The following FRMD4A variants were observed in gnomAD, a reference collection of about 807,000 sequenced individuals.
The protein encoded by FRMD4A is FERM domain containing 4A.
Under a neutral mutation model 129.1 loss-of-function variants are expected in FRMD4A, and 29 were observed. The observed-to-expected ratio is 0.22, with a 90% CI of 0.17 to 0.31. FRMD4A has a LOEUF of 0.31. FRMD4A is among the 10% of genes least tolerant of loss of function. The pLI is 1.00. For missense variants in FRMD4A, 1,272 were observed against 1,375.8 expected, an observed-to-expected ratio of 0.92 and a Z score of 1.19; for synonymous variants, 634 against 571.6, an observed-to-expected ratio of 1.11 and a Z score of -1.56.
intron 2 of FRMD4A, among the ~76,000 whole-genome samples, chr10:14,089,635 AAAAACAAAC>A (rs1217027505): frequency 1.2e-4 from 17 of 142,344 alleles, no homozygotes; most frequent in African/African-American, 1.9e-4. Flanking sequence ...AAAAACAAAA[AAAAACAAAC>A]AAAAAAAAAA....
chr10:14,206,809 C>CAAAAAAAAAATA (rs773842434), intron 2 of FRMD4A, among the ~76,000 whole-genome samples: 4 of 43,064 alleles, frequency 9.3e-5, no homozygotes, highest in Non-Finnish European at 1.5e-4. Context: ...GACGCTATCT[C>CAAAAAAAAAATA]AAAAAAAAAA....
intron 2 of FRMD4A, among the ~76,000 whole-genome samples, chr10:14,218,624 T>A (rs925235974): frequency 6.6e-6 from 1 of 151,836 alleles, no homozygotes; most frequent in Non-Finnish European, 1.5e-5. Flanking sequence ...GAGGCCCAGG[T>A]GCGGGGATTG....
chr10:14,088,848 T>TAG (rs1836462867), intron 2 of FRMD4A, among the ~76,000 whole-genome samples: 2 of 151,588 alleles, frequency 1.3e-5, no homozygotes, highest in African/African-American at 2.4e-5. Flanking sequence ...TCACACTGTT[T>TAG]TCCCCAGGAG....
chr10:14,182,073 A>G (rs1841932094), intron 2 of FRMD4A, among the ~76,000 whole-genome samples: 1 of 152,160 alleles, frequency 6.6e-6, no homozygotes, highest in East Asian at 1.9e-4. Context: ...AGCTTTGTTT[A>G]TTTGTGGCTT....
intron 2 of FRMD4A, among the ~76,000 whole-genome samples, chr10:14,177,862 A>G (rs76786005): frequency 0.012 from 1,776 of 152,312 alleles, 33 homozygotes; most frequent in African/African-American, 0.04. Context: ...GTTGTTCACC[A>G]TATTTTTATA....
intron 2 of FRMD4A, among the ~76,000 whole-genome samples, chr10:14,130,314 G>A (rs1200976037): frequency 3.9e-5 from 6 of 152,174 alleles, no homozygotes; most frequent in South Asian, 2.1e-4. Flanking sequence ...AGGCTGGAGT[G>A]CAGTGGTGTG....
intron 2 of FRMD4A, among the ~76,000 whole-genome samples, chr10:14,257,325 T>C (rs983261249): frequency 3.3e-5 from 5 of 152,100 alleles, no homozygotes; most frequent in Non-Finnish European, 5.9e-5. Context: ...AGCAAGACCC[T>C]GTCTCAAATA....
chr10:14,295,904 C>T lies in FRMD4A; in HGVS notation c.45+34154G>A, dbSNP rs72780819. Among the ~76,000 whole-genome samples, 930 of 152,176 alleles carry T rather than the reference C, an allele frequency of 6.1e-3. 24 individuals are homozygous for T. In the East Asian group the frequency reaches 0.065, roughly 11 times the overall value. On this transcript the variant is annotated intron_variant, in intron 2 of 24. Transcript: ENST00000357447. ...AGAAAATGAAATGCAGCAGTTTAAA[C>T]GGGGTCAACATAAATGGGTGAAACG...
At chr10:13,952,310 A>G (rs1588509091) in intron 2 of FRMD4A, among the ~76,000 whole-genome samples, 1 of 152,000 alleles carries the variant, frequency 6.6e-6, no homozygotes, top group South Asian at 2.1e-4. Context: ...TTAGCTTGGG[A>G]TACACAGCAA....
At chr10:13,946,111 C>A (rs1436524826) in intron 2 of FRMD4A, among the ~76,000 whole-genome samples, 2 of 152,208 alleles carry the variant, frequency 1.3e-5, no homozygotes, top group African/African-American at 4.8e-5. Flanking sequence ...GGGGGACAAT[C>A]AAGGGATGCC....
chr10:14,152,117 C>CT (rs36023583), intron 2 of FRMD4A, among the ~76,000 whole-genome samples: 15,140 of 54,074 alleles, frequency 0.28, 6,066 homozygotes, highest in East Asian at 0.4. Context: ...TTGTGTAGTG[C>CT]TTTTTTTTTT....
At chr10:13,901,608 C>CAAA (rs35890520) in intron 2 of FRMD4A, among the ~76,000 whole-genome samples, 3 of 120,806 alleles carry the variant, frequency 2.5e-5, no homozygotes, top group African/African-American at 9.5e-5. Flanking sequence ...GACTTCATCT[C>CAAA]AAAAAAAAAA....
At chr10:13,924,574 C>T (rs540657504) in intron 2 of FRMD4A, among the ~76,000 whole-genome samples, 12 of 152,282 alleles carry the variant, frequency 7.9e-5, no homozygotes, top group African/African-American at 2.9e-4. Context: ...GTCAAAACCA[C>T]ATTCTTTTCA....
chr10:14,219,528 G>A (rs965273229), intron 2 of FRMD4A, among the ~76,000 whole-genome samples: 2 of 152,190 alleles, frequency 1.3e-5, no homozygotes, highest in Non-Finnish European at 2.9e-5. Flanking sequence ...GCTCTCTGAG[G>A]TCATGGTACA....
At chr10:13,980,192 G>C (rs1047028725) in intron 2 of FRMD4A, among the ~76,000 whole-genome samples, 1 of 152,206 alleles carries the variant, frequency 6.6e-6, no homozygotes, top group African/African-American at 2.4e-5. Context: ...AAAGAAAGCA[G>C]AGGTGTAAAT....
intron 2 of FRMD4A, among the ~76,000 whole-genome samples, chr10:14,159,540 T>A (rs1220303208): frequency 6.6e-6 from 1 of 152,164 alleles, no homozygotes; most frequent in Non-Finnish European, 1.5e-5. Flanking sequence ...ATTAAAATAA[T>A]CATGATGCTA....
At position 13,861,488 on chromosome 10, in the gene FRMD4A, T is replaced by C. The variant is rs544950824; in HGVS notation, c.46-2576A>G. 2.9e-4 allele frequency among the ~76,000 whole-genome samples: 44 copies of C among 152,314 alleles called. No homozygotes were observed. In the South Asian group the frequency reaches 9.1e-3, roughly 32 times the overall value. On this transcript the variant is annotated intron_variant, in intron 2 of 24. Transcript: ENST00000357447. Reference sequence around the variant, plus strand: ...GGCTAATCTCAATGTCTCTTGATTCTGAGTTATAACAATGACTTAGCAGCC... The same window carrying C: ...GGCTAATCTCAATGTCTCTTGATTCCGAGTTATAACAATGACTTAGCAGCC...
intron 16 of FRMD4A, among the ~76,000 whole-genome samples, chr10:13,671,060 A>G (rs2083469908): frequency 6.6e-6 from 1 of 152,258 alleles, no homozygotes; most frequent in Non-Finnish European, 1.5e-5. Context: ...AAGTGCATAG[A>G]TAAATAATTT....
chr10:14,152,117 C>CTTTTTTTTTTTTTT (rs36023583), intron 2 of FRMD4A, among the ~76,000 whole-genome samples: 1 of 54,112 alleles, frequency 1.8e-5, no homozygotes, highest in Non-Finnish European at 3.4e-5. Context: ...TTGTGTAGTG[C>CTTTTTTTTTTTTTT]TTTTTTTTTT....
Sources: gnomAD v4.1 joint callset for allele counts (sites outside exome capture counted in the v4.1 genomes callset) on GRCh38, gnomAD v4.1.1 for gene constraint, MANE v1.5 for transcripts, NCBI Gene and HGNC (gene_info 2026-07-23, HGNC 2026-07-21) for gene names.